Variants in FOXN3 observed in about 807,000 individuals in gnomAD.
FOXN3 encodes the protein forkhead box N3, also known as forkhead box protein N3.
A neutral mutation model predicts 38.4 loss-of-function variants in FOXN3; 7 were observed. The ratio of observed to expected loss-of-function variants is 0.18; its 90% CI spans 0.10 to 0.34. The LOEUF (loss-of-function observed/expected upper bound fraction) is 0.34. FOXN3 is among the 10% of genes least tolerant of loss of function. The pLI is 1.00. For missense variants in FOXN3, 456 were observed against 613.4 expected (o/e 0.74, Z 2.71); for synonymous variants, 230 against 242.2 (o/e 0.95, Z 0.47).
chr14:89,555,872 T>TGTGTGTGTGTGTGTGGGG (rs1426537962), intron 1 of FOXN3, among the ~76,000 whole-genome samples: 15 of 122,214 alleles, frequency 1.2e-4, no homozygotes, highest in African/African-American at 4.0e-4. Context: ...TGTGTGTGTG[T>TGTGTGTGTGTGTGTGGGG]GTGTATGTGG....
intron 2 of FOXN3, among the ~76,000 whole-genome samples, chr14:89,368,223 G>C (rs1372543370): frequency 6.6e-6 from 1 of 151,540 alleles, no homozygotes; most frequent in African/African-American, 2.4e-5. Flanking sequence ...CCAGCTACTT[G>C]GGAGGCTGAG....
chr14:89,352,648 C>T (rs1415125764), intron 2 of FOXN3, among the ~76,000 whole-genome samples: 2 of 152,202 alleles, frequency 1.3e-5, no homozygotes, highest in African/African-American at 4.8e-5. Flanking sequence ...GTGACCCAAA[C>T]ATTTCTGCAA....
intron 4 of FOXN3, among the ~76,000 whole-genome samples, chr14:89,268,070 C>G (rs1433596781): frequency 6.6e-6 from 1 of 152,100 alleles, no homozygotes; most frequent in African/African-American, 2.4e-5. Flanking sequence ...ATATATGCAC[C>G]TACACACACA....
At chr14:89,520,865 A>G (rs986033222) in intron 1 of FOXN3, among the ~76,000 whole-genome samples, 2 of 152,226 alleles carry the variant, frequency 1.3e-5, no homozygotes, top group African/African-American at 4.8e-5. Flanking sequence ...ACAGACAAAG[A>G]TTTTAAACAC....
At chr14:89,518,717 T>C (rs1052932367) in intron 1 of FOXN3, among the ~76,000 whole-genome samples, 3 of 152,222 alleles carry the variant, frequency 2.0e-5, no homozygotes, top group African/African-American at 7.2e-5. Context: ...GGAATTGGAA[T>C]CAGGTCTTAA....
chr14:89,452,384 C>T (rs1436141336), intron 1 of FOXN3, among the ~76,000 whole-genome samples: 2 of 152,204 alleles, frequency 1.3e-5, no homozygotes, highest in African/African-American at 4.8e-5. Context: ...ATCCCCATCT[C>T]CCCAGCACGC....
intron 1 of FOXN3, among the ~76,000 whole-genome samples, chr14:89,448,762 G>T (rs1392454147): frequency 6.6e-6 from 1 of 151,744 alleles, no homozygotes; most frequent in Admixed American, 6.6e-5. Flanking sequence ...AACATCAGGA[G>T]ACCCCATCTC....
intron 4 of FOXN3, among the ~76,000 whole-genome samples, chr14:89,246,979 G>C (rs1050350535): frequency 1.3e-5 from 2 of 152,134 alleles, no homozygotes; most frequent in African/African-American, 4.8e-5. Context: ...ACAGGAGAAA[G>C]AGACTTCCCT....
chr14:89,417,685 C>T (rs1891789228), upstream of FOXN3: 1 of 455,796 alleles, frequency 2.2e-6, no homozygotes, highest in African/African-American at 2.0e-5. Flanking sequence ...ACGATGCGGG[C>T]GAGGCTTGTG....
At chr14:89,259,112 A>G (rs1885718181) in intron 4 of FOXN3, among the ~76,000 whole-genome samples, 1 of 152,238 alleles carries the variant, frequency 6.6e-6, no homozygotes, top group Non-Finnish European at 1.5e-5. Context: ...TCACTCAGAG[A>G]CAAGAAGGCA....
chr14:89,467,786 C>G (rs147669842), intron 1 of FOXN3, among the ~76,000 whole-genome samples: 1,970 of 128,480 alleles, frequency 0.015, 44 homozygotes, highest in African/African-American at 0.051. Context: ...CTTCTTCTTC[C>G]TTTTCTTTTC....
At chr14:89,467,621 CTTTTTTT>C (rs779424121) in intron 1 of FOXN3, among the ~76,000 whole-genome samples, 1 of 138,534 alleles carries the variant, frequency 7.2e-6, no homozygotes, top group Non-Finnish European at 1.6e-5. Flanking sequence ...TTCCCTCTTG[CTTTTTTT>C]TTTTTTAAAC....
At chr14:89,473,246 G>C in intron 1 of FOXN3, among the ~76,000 whole-genome samples, 1 of 151,982 alleles carries the variant, frequency 6.6e-6, no homozygotes, top group Non-Finnish European at 1.5e-5. Context: ...GGATGGGCTT[G>C]ATCTCCTGAC....
intron 4 of FOXN3, among the ~76,000 whole-genome samples, chr14:89,219,144 CAT>C (rs1765074662): frequency 6.6e-6 from 1 of 152,148 alleles, no homozygotes. Flanking sequence ...GTAATCCCCA[CAT>C]GTCAGGGGAG....
intron 2 of FOXN3, among the ~76,000 whole-genome samples, chr14:89,378,045 G>C (rs1890534162): frequency 1.3e-5 from 2 of 152,308 alleles, no homozygotes; most frequent in Admixed American, 6.5e-5. Context: ...CCAGAACTGT[G>C]AGAAAATAAA....
chr14:89,355,500 G>A (rs1246578188), intron 2 of FOXN3, among the ~76,000 whole-genome samples: 1 of 152,082 alleles, frequency 6.6e-6, no homozygotes, highest in Admixed American at 6.6e-5. Context: ...GCCTCCCAAA[G>A]TGCTGGAAAT....
chr14:89,477,297 G>A (rs1893230827), intron 1 of FOXN3, among the ~76,000 whole-genome samples: 2 of 152,144 alleles, frequency 1.3e-5, no homozygotes. Flanking sequence ...GATCTGAGGA[G>A]TATTCCATAT....
chr14:89,506,547 G>T (rs1256546789), intron 1 of FOXN3, among the ~76,000 whole-genome samples: 1 of 151,248 alleles, frequency 6.6e-6, no homozygotes, highest in Non-Finnish European at 1.5e-5. Context: ...TCCGGGAGGT[G>T]AGGGGCGCCT....
intron 1 of FOXN3, among the ~76,000 whole-genome samples, chr14:89,542,573 C>A (rs887744162): frequency 6.6e-6 from 1 of 152,198 alleles, no homozygotes; most frequent in African/African-American, 2.4e-5. Context: ...GTTTCTCTAC[C>A]AAACCACAAA....
Sources: gnomAD v4.1 joint callset for allele counts (sites outside exome capture counted in the v4.1 genomes callset) on GRCh38, gnomAD v4.1.1 for gene constraint, MANE v1.5 for transcripts, NCBI Gene and HGNC (gene_info 2026-07-23, HGNC 2026-07-21) for gene names.